The following TMC2 variants were observed in gnomAD, a reference collection of about 807,000 sequenced individuals.
TMC2 encodes transmembrane channel-like protein 2.
TMC2 carries 102 observed loss-of-function variants against 105.9 expected under a neutral mutation model. The observed-to-expected ratio is 0.96, with a 90% confidence interval of 0.82 to 1.14. The LOEUF (loss-of-function observed/expected upper bound fraction) is 1.14. Ranked by LOEUF, TMC2 falls within the 50% of genes most tolerant of loss-of-function variation. The pLI is 0.00. For missense variants in TMC2, 1,093 were observed against 1,134.3 expected (o/e 0.96, Z 0.52); for synonymous variants, 402 against 422.8 (o/e 0.95, Z 0.60).
At chr20:2,622,848 G>A (rs1298410219) in intron 16 of TMC2, among the ~76,000 whole-genome samples, 1 of 152,062 alleles carries the variant, frequency 6.6e-6, no homozygotes, top group African/African-American at 2.4e-5. Context: ...TACACTCAAT[G>A]TTTTATATCA....
rs11906048 is a variant in TMC2 at position 2,628,109 on chromosome 20, A to T, written c.2306+3713A>T. 9.7e-3 allele frequency among the ~76,000 whole-genome samples: 1,479 copies of T among 151,838 alleles called. 24 individuals are homozygous for T. Among genetic ancestry groups the T allele is most frequent in the African/African-American group, 0.034 (1,412 of 41,364 alleles). The stretch of plus-strand genomic sequence containing the variant: ...CTTGAACCCAGGAGGCAGAGGTTGC[A>T]GTGAGCCAAGATCATGCCACTGCAC... On this transcript the variant is annotated intron_variant, in intron 17 of 19. Coordinates refer to ENST00000358864, the MANE Select transcript of TMC2 (RefSeq NM_080751.3).
intron 16 of TMC2, among the ~76,000 whole-genome samples, chr20:2,618,706 C>T (rs1568527166): frequency 6.6e-6 from 1 of 152,198 alleles, no homozygotes; most frequent in African/African-American, 2.4e-5. Context: ...TTTCCAAATG[C>T]CTGACCTTCT....
chr20:2,578,689 C>T (rs892163423), intron 5 of TMC2, among the ~76,000 whole-genome samples: 5 of 151,650 alleles, frequency 3.3e-5, no homozygotes, highest in African/African-American at 1.2e-4. Context: ...ACCACCCCTG[C>T]AATTTTGCGA....
rs1258009171 is a variant in TMC2 at position 2,558,894 on chromosome 20, C to T, written c.401+120C>T. On this transcript the variant is annotated intron_variant, in intron 3 of 19. Transcript: ENST00000358864. This position sits in a 1 kb window ranked among gnomAD's most constrained non-coding sequence, Gnocchi z 4.6. ...CCCGGGGAGAGGCAGCCCGTGCCCT[C>T]GCTCTGGCTTCCGTGCCTCCCAGCC... The T allele has an allele frequency of 1.9e-6, 2 of 1,049,788 alleles. No homozygotes were observed. Among genetic ancestry groups the T allele is most frequent in the Non-Finnish European group, 2.7e-6 (2 of 742,510 alleles). The allele number at this position is 1,049,788 out of a possible 1,614,324, so 65.0% of individuals were successfully genotyped here. A position where few individuals can be genotyped will look rare whatever the true frequency, so the allele number is the denominator to read the frequency against.
rs146310706 is a variant in TMC2, at chr20:2,573,296, A to G, written c.645+1027A>G. Reference sequence around the variant, plus strand: ...GGACTTCCTTATCTATACAATATTTAGTTTTCACATCTAGGATACCATACA... The same window carrying G: ...GGACTTCCTTATCTATACAATATTTGGTTTTCACATCTAGGATACCATACA... On this transcript the variant is annotated intron_variant, in intron 5 of 19. Coordinates refer to ENST00000358864, the MANE Select transcript of TMC2 (RefSeq NM_080751.3). Among the ~76,000 whole-genome samples, 21 of 152,156 alleles carry G rather than the reference A, an allele frequency of 1.4e-4. No homozygotes were observed. In the East Asian group the frequency reaches 4.1e-3, roughly 29 times the overall value.
chr20:2,624,840 T>C (rs983001721), intron 17 of TMC2, among the ~76,000 whole-genome samples: 4 of 152,108 alleles, frequency 2.6e-5, no homozygotes, highest in African/African-American at 9.7e-5. Context: ...CTGCAACAAC[T>C]CCCACTAAAA....
At chr20:2,626,407 C>T (rs2086564544) in intron 17 of TMC2, among the ~76,000 whole-genome samples, 1 of 152,154 alleles carries the variant, frequency 6.6e-6, no homozygotes, top group Non-Finnish European at 1.5e-5. Flanking sequence ...GCTTGGGCTT[C>T]CTCATAGTAT....
chr20:2,600,496 G>A (rs2146220777), intron 10 of TMC2, among the ~76,000 whole-genome samples: 1 of 152,218 alleles, frequency 6.6e-6, no homozygotes, highest in South Asian at 2.1e-4. Flanking sequence ...TGGACAACAT[G>A]GGGAAACCCT....
chr20:2,592,666 C>T lies in TMC2; in HGVS notation c.933+258C>T, dbSNP rs1162810004. Among the ~76,000 whole-genome samples, 1 of 152,152 alleles carries T rather than the reference C, an allele frequency of 6.6e-6. No homozygotes were observed. Among genetic ancestry groups the T allele is most frequent in the Non-Finnish European group, 1.5e-5 (1 of 68,012 alleles). ...CTGCACCTCTCTGTCTGCCAGGTCT[C>T]TGTAAGGTGATCTCACGGTATGCTT... On this transcript the variant is annotated intron_variant, in intron 8 of 19. Transcript: ENST00000358864. This position sits in a 1 kb window ranked among gnomAD's most constrained non-coding sequence, Gnocchi z 4.9.
At chr20:2,584,457 A>G (rs908940739) in intron 7 of TMC2, among the ~76,000 whole-genome samples, 21 of 151,746 alleles carry the variant, frequency 1.4e-4, no homozygotes, top group African/African-American at 4.8e-4. Context: ...AAAAAAAAAA[A>G]AAAGAAAAGA....
intron 2 of TMC2, among the ~76,000 whole-genome samples, chr20:2,550,870 T>C (rs1004446893): frequency 6.6e-6 from 1 of 152,260 alleles, no homozygotes; most frequent in Non-Finnish European, 1.5e-5. Flanking sequence ...GCAGTTTGTT[T>C]ATGCATTCAC....
At chr20:2,589,669 T>C (rs1259251320) in intron 7 of TMC2, among the ~76,000 whole-genome samples, 1 of 152,104 alleles carries the variant, frequency 6.6e-6, no homozygotes, top group Non-Finnish European at 1.5e-5. Flanking sequence ...CAGTACTGTT[T>C]GTTTGTTAAT....
chr20:2,623,452 T>C (rs959015884), intron 16 of TMC2, among the ~76,000 whole-genome samples: 16 of 151,880 alleles, frequency 1.1e-4, no homozygotes, highest in Non-Finnish European at 1.9e-4. Flanking sequence ...GGCAGGAGAA[T>C]TGCTTGAATC....
In TMC2 at chr20:2,558,365, C is replaced by A; in HGVS notation, c.83-91C>A. On this transcript the variant is annotated intron_variant, in intron 2 of 19. Transcript: ENST00000358864. The surrounding 1 kb of genome is among the most constrained non-coding windows in gnomAD (Gnocchi z 4.6). ...CGCAGAGCTCACAAGCTCTCGGAATCATCTTGGACGTCTGATTTCTCACGG... is the reference window on the plus strand; with the variant it reads ...CGCAGAGCTCACAAGCTCTCGGAATAATCTTGGACGTCTGATTTCTCACGG... 3.3e-6 allele frequency: 5 copies of A among 1,524,564 alleles called. No homozygotes were observed. The highest frequency in any genetic ancestry group is 4.4e-6 in the Non-Finnish European group (5 of 1,134,756). 94.4% of individuals were successfully genotyped at this position (1,524,564 alleles called of 1,614,324 possible).
At chr20:2,576,563 A>C (rs1371059127) in intron 5 of TMC2, among the ~76,000 whole-genome samples, 1 of 152,142 alleles carries the variant, frequency 6.6e-6, no homozygotes, top group Non-Finnish European at 1.5e-5. Flanking sequence ...TTTTATCAGC[A>C]CCCTGACAGG....
intron 4 of TMC2, among the ~76,000 whole-genome samples, 198 bp downstream of exon 4, chr20:2,562,208 A>ATGGAAGACT (rs1177674802): frequency 6.6e-6 from 1 of 152,240 alleles, no homozygotes; most frequent in Admixed American, 6.5e-5. Flanking sequence ...AGGGGGAGCC[A>ATGGAAGACT]TGGAAGACTC....
At chr20:2,548,118 A>C (rs138616579) in intron 2 of TMC2, among the ~76,000 whole-genome samples, 202 of 152,344 alleles carry the variant, frequency 1.3e-3, no homozygotes, top group Non-Finnish European at 2.2e-3. Flanking sequence ...ATAATTGTCA[A>C]CTGTCACACA....
rs562865431 is a variant in TMC2, at chr20:2,636,321, A to G, written c.2385+317A>G. Among the ~76,000 whole-genome samples the G allele has an allele frequency of 7.2e-5, 11 of 152,310 alleles. No homozygotes were observed. The South Asian group carries it at 1.7e-3, about 23-fold the overall frequency. ...CAATAACTCCTACAGGTTAAAGTGAATATTTAAATACTAAAAGAAATGTTG... is the reference window on the plus strand; with the variant it reads ...CAATAACTCCTACAGGTTAAAGTGAGTATTTAAATACTAAAAGAAATGTTG... On this transcript the variant is annotated intron_variant, in intron 18 of 19. Transcript: ENST00000358864.
intron 12 of TMC2, among the ~76,000 whole-genome samples, chr20:2,611,886 G>GTGGATGGATGGATGGA (rs59459136): frequency 8.0e-5 from 7 of 87,436 alleles, no homozygotes; most frequent in South Asian, 5.0e-4. Flanking sequence ...GGGTGGGTGG[G>GTGGATGGATGGATGGA]TGGATGGATG....
Sources: allele counts gnomAD v4.1 joint callset (sites outside exome capture counted in the v4.1 genomes callset), GRCh38; gene constraint gnomAD v4.1.1; non-coding constraint Gnocchi (gnomAD v3.1); transcripts MANE v1.5; gene names NCBI Gene and HGNC (gene_info 2026-07-23, HGNC 2026-07-21).